Variants in ZNF680 observed in about 807,000 individuals in gnomAD.
The protein encoded by ZNF680 is hypothetical protein FLJ90430.
In ZNF680, 6 loss-of-function variants were observed where a neutral mutation model predicts 12.1. The ratio of observed to expected loss-of-function variants is 0.49; its 90% CI spans 0.27 to 0.98. The LOEUF (loss-of-function observed/expected upper bound fraction) is 0.98. Among genes scored for constraint, ZNF680 ranks in the 50% least tolerant of loss-of-function variants. ZNF680 has a pLI of 0.12. For missense variants in ZNF680, 561 were observed against 616.3 expected, an observed-to-expected ratio of 0.91 and a Z score of 0.95; for synonymous variants, 170 against 199.3, an observed-to-expected ratio of 0.85 and a Z score of 1.24.
chr7:64,518,544 C>A (rs1791400662), downstream of ZNF680, among the ~76,000 whole-genome samples: 1 of 151,878 alleles, frequency 6.6e-6, no homozygotes, highest in African/African-American at 2.4e-5. Flanking sequence ...ATAGCAACAT[C>A]ATTCTTCACA....
chr7:64,541,327 GAGTGACATC>G (rs1786488360), intron 3 of ZNF680, among the ~76,000 whole-genome samples: 1 of 152,174 alleles, frequency 6.6e-6, no homozygotes, highest in Non-Finnish European at 1.5e-5. Flanking sequence ...TGTATAGGGA[GAGTGACATC>G]AGTAAGATGG....
Position 64,522,213 on chromosome 7 carries a change from CCTT to C in ZNF680, c.538_540del (p.Lys180del). 6.2e-7 allele frequency: 1 copy of C among 1,612,462 alleles called. No homozygotes were observed. Among genetic ancestry groups the C allele is most frequent in the Non-Finnish European group, 8.5e-7 (1 of 1,179,076 alleles). ...TTGCCACATTCTTTACATTTGAAAA[CCTT>C]CTTTCCAGTATTTCTTTTCTTATGA... On this transcript the variant is annotated inframe_deletion, in exon 4 of 4. Transcript: ENST00000309683.
intron 3 of ZNF680, chr7:64,526,415 C>T: frequency 6.7e-7 from 1 of 1,489,446 alleles, no homozygotes; most frequent in Non-Finnish European, 8.9e-7. Context: ...AGTAGCCTGG[C>T]AAAGTGGATT....
At chr7:64,557,549 C>T (rs751889621) in intron 1 of ZNF680, among the ~76,000 whole-genome samples, 3 of 147,152 alleles carry the variant, frequency 2.0e-5, no homozygotes, top group Non-Finnish European at 4.5e-5. Context: ...AGCAAGGGTC[C>T]GTCTCAAAAA....
chr7:64,531,171 AATACAC>A (rs1785853062), intron 3 of ZNF680, among the ~76,000 whole-genome samples: 1 of 152,222 alleles, frequency 6.6e-6, no homozygotes, highest in Non-Finnish European at 1.5e-5. Context: ...ACAACCGCAG[AATACAC>A]ATTCTACTCA....
In ZNF680 at chr7:64,520,433, T is replaced by A. The variant is rs1247585513; in HGVS notation, c.*728A>T. On this transcript the variant is annotated 3_prime_UTR_variant, in exon 4 of 4. Coordinates refer to ENST00000309683, the MANE Select transcript of ZNF680 (RefSeq NM_178558.5). ...TAATCTAACAACTTATAGATTTTTT[T>A]ATACTCAACACTCTGTTTTAGTGTA... 2 of 151,966 alleles carry A rather than the reference T, an allele frequency of 1.3e-5. No homozygotes were observed. Among genetic ancestry groups the A allele is most frequent in the African/African-American group, 4.8e-5 (2 of 41,538 alleles). 9.4% of individuals were successfully genotyped at this position (151,966 alleles called of 1,614,324 possible).
intron 1 of ZNF680, chr7:64,561,062 A>C (rs1342332837): frequency 6.6e-6 from 1 of 152,246 alleles, no homozygotes; most frequent in Non-Finnish European, 1.5e-5. Flanking sequence ...CCCCTTAGAG[A>C]ATCCAGAAAT....
chr7:64,508,317 T>C, the ZNF680 span, among the ~76,000 whole-genome samples: 1 of 151,752 alleles, frequency 6.6e-6, no homozygotes, highest in South Asian at 2.1e-4. Context: ...ATGAGAAATG[T>C]TACCATAATA....
rs1489706716 is a variant in ZNF680 at position 64,520,194 on chromosome 7, A to C, written c.*967T>G. 1 of 151,752 alleles carries C rather than the reference A, an allele frequency of 6.6e-6. No homozygotes were observed. The highest frequency in any genetic ancestry group is 6.6e-5 in the Admixed American group (1 of 15,230). 9.4% of individuals were successfully genotyped at this position (151,752 alleles called of 1,614,324 possible). ...AAACCATAAATAATGCCCATCTAATAAAAAAGAATCTCTCCTATATCTGAC... is the reference window on the plus strand; with the variant it reads ...AAACCATAAATAATGCCCATCTAATCAAAAAGAATCTCTCCTATATCTGAC... On this transcript the variant is annotated 3_prime_UTR_variant, in exon 4 of 4. Transcript: ENST00000309683.
chr7:64,516,236 A>G (rs1236884771), downstream of ZNF680, among the ~76,000 whole-genome samples: 5 of 152,224 alleles, frequency 3.3e-5, no homozygotes, highest in Admixed American at 6.5e-5. Context: ...TCATAAAAAT[A>G]AAACAAAAAA....
At chr7:64,546,191 G>A (rs558804091) in intron 1 of ZNF680, among the ~76,000 whole-genome samples, 1 of 152,270 alleles carries the variant, frequency 6.6e-6, no homozygotes, top group Non-Finnish European at 1.5e-5. Flanking sequence ...CTCTTGATCT[G>A]AGACAGGTTT....
At chr7:64,523,942 G>C (rs1217143046) in intron 3 of ZNF680, among the ~76,000 whole-genome samples, 2 of 151,436 alleles carry the variant, frequency 1.3e-5, no homozygotes, top group Admixed American at 1.3e-4. Flanking sequence ...TAAAAACCAA[G>C]ATCCAACATG....
chr7:64,512,499 A>T, the ZNF680 span, among the ~76,000 whole-genome samples: 1 of 151,930 alleles, frequency 6.6e-6, no homozygotes, highest in African/African-American at 2.4e-5. Flanking sequence ...TCAGTCAACT[A>T]AATGACTTTT....
At position 64,520,888 on chromosome 7, in the gene ZNF680, T is replaced by C. The variant is rs1328992310; in HGVS notation, c.*273A>G. The C allele has an allele frequency of 3.1e-6, 1 of 325,792 alleles. No individual in the cohort carries two copies. Among genetic ancestry groups the C allele is most frequent in the African/African-American group, 2.2e-5 (1 of 46,234 alleles). 20.2% of individuals were successfully genotyped at this position (325,792 alleles called of 1,614,324 possible). A position where few individuals can be genotyped will look rare whatever the true frequency, so the allele number is the denominator to read the frequency against. On this transcript the variant is annotated 3_prime_UTR_variant, in exon 4 of 4. Transcript: ENST00000309683. The stretch of plus-strand genomic sequence containing the variant: ...GCATTTATAATGCTTTTAATAAGTA[T>C]AAACTCTGGTGTTGAGTAAGATGTG...
the ZNF680 span, among the ~76,000 whole-genome samples, chr7:64,508,722 T>C: frequency 6.6e-6 from 1 of 152,162 alleles, no homozygotes; most frequent in Non-Finnish European, 1.5e-5. Context: ...TATACCTCAG[T>C]GTTATCTAAA....
chr7:64,548,980 C>A (rs1378021027), intron 1 of ZNF680, among the ~76,000 whole-genome samples: 1 of 151,902 alleles, frequency 6.6e-6, no homozygotes, highest in Non-Finnish European at 1.5e-5. Flanking sequence ...AATTAGCCTG[C>A]GTGGTGGCAT....
At chr7:64,558,102 G>A (rs1176335624) in intron 1 of ZNF680, among the ~76,000 whole-genome samples, 1 of 152,138 alleles carries the variant, frequency 6.6e-6, no homozygotes. Context: ...GCCCAGGTGG[G>A]GCTGTACTTG....
chr7:64,512,510 C>T, the ZNF680 span, among the ~76,000 whole-genome samples: 1 of 150,058 alleles, frequency 6.7e-6, no homozygotes, highest in Admixed American at 6.7e-5. Context: ...AATGACTTTT[C>T]TCCACTGTGC....
chr7:64,516,923 A>T (rs566561928), downstream of ZNF680, among the ~76,000 whole-genome samples: 1 of 152,296 alleles, frequency 6.6e-6, no homozygotes, highest in African/African-American at 2.4e-5. Context: ...ATGGAATGAT[A>T]TAGTGACAAA....
Sources: gnomAD v4.1 joint callset for allele counts (sites outside exome capture counted in the v4.1 genomes callset) on GRCh38, gnomAD v4.1.1 for gene constraint, MANE v1.5 for transcripts, NCBI Gene and HGNC (gene_info 2026-07-23, HGNC 2026-07-21) for gene names.